MEIOC: variants seen among roughly 807,000 people sequenced by gnomAD.
MEIOC encodes meiosis specific with coiled-coil domain, also known as meiosis-specific coiled-coil domain-containing protein MEIOC.
Under a neutral mutation model 85.3 loss-of-function variants are expected in MEIOC, and 9 were observed. The observed-to-expected ratio is 0.11, with a 90% CI of 0.06 to 0.18. The LOEUF (loss-of-function observed/expected upper bound fraction) is 0.18. MEIOC is among the 10% of genes least tolerant of loss of function. MEIOC has a pLI of 1.00. For missense variants in MEIOC, 898 were observed against 1,129.4 expected (o/e 0.80, Z 2.94); for synonymous variants, 365 against 393.7 (o/e 0.93, Z 0.86).
chr17:44,656,997 C>A, intron 1 of MEIOC, 130 bp from the exon 2 acceptor site: 1 of 1,099,884 alleles, frequency 9.1e-7, no homozygotes, highest in Non-Finnish European at 1.2e-6. Flanking sequence ...CGCGGGCCCC[C>A]ACATTCGTGT....
chr17:44,676,868 C>T (rs1287113180), downstream of MEIOC: 7 of 736,014 alleles, frequency 9.5e-6, no homozygotes, highest in Non-Finnish European at 1.0e-5. Context: ...ACATTTTAGA[C>T]GTAAAGGATT....
chr17:44,676,748 C>T (rs1972081184), downstream of MEIOC, among the ~76,000 whole-genome samples: 1 of 151,978 alleles, frequency 6.6e-6, no homozygotes, highest in Admixed American at 6.6e-5. Context: ...CTTGAACCCG[C>T]AAGGTGGAGG....
intron 6 of MEIOC, 113 bp downstream of exon 6, chr17:44,669,630 C>G: frequency 9.7e-7 from 1 of 1,033,546 alleles, no homozygotes; most frequent in South Asian, 1.5e-5. Flanking sequence ...GAGGCCGAGG[C>G]GGGCAGATCA....
chr17:44,670,167 G>A (rs1294829145), intron 6 of MEIOC: 2 of 150,378 alleles, frequency 1.3e-5, no homozygotes, highest in Non-Finnish European at 2.9e-5. Flanking sequence ...GGAGGCTGAG[G>A]TGGGAAGATA....
At chr17:44,671,959 GA>G (rs200118904) in intron 6 of MEIOC, among the ~76,000 whole-genome samples, 70 of 150,028 alleles carry the variant, frequency 4.7e-4, no homozygotes, top group African/African-American at 1.6e-3. Context: ...GTAGAATTTT[GA>G]AAAAAAAATA....
At chr17:44,664,275 C>A (rs1598726621) in intron 3 of MEIOC, among the ~76,000 whole-genome samples, 1 of 151,912 alleles carries the variant, frequency 6.6e-6, no homozygotes, top group Non-Finnish European at 1.5e-5. Flanking sequence ...GGCAGGAGAA[C>A]CGCTTGAACC....
At position 44,669,440 on chromosome 17, in the gene MEIOC, A is replaced by G; in HGVS notation, c.2380A>G (p.Thr794Ala). 1 of 1,568,378 alleles carries G rather than the reference A, an allele frequency of 6.4e-7. No homozygotes were observed. Among genetic ancestry groups the G allele is most frequent in the Non-Finnish European group, 8.7e-7 (1 of 1,155,624 alleles). The change falls in exon 6 of 8, where the codon ACT becomes GCT. Residue 794 changes from threonine to alanine, a missense_variant. Thr to Ala is a moderately conservative substitution (Grantham distance 58, BLOSUM62 0). Coordinates refer to ENST00000409122, the MANE Select transcript of MEIOC (RefSeq NM_001145080.3). ...AAAAAAAGTATCCAGTACTAACAAC[A>G]CTCCAGTTCCAAGGCTGACTTCCAA... ...PGKKVSSTNNTPVPRLTSNPS... is the reference protein window; with the variant it reads ...PGKKVSSTNNAPVPRLTSNPS...
Position 44,662,330 on chromosome 17 carries a change from TA to T in MEIOC, c.219del (p.Asp74ThrfsTer2). The T allele has an allele frequency of 1.9e-6, 3 of 1,544,322 alleles. No homozygotes were observed. The highest frequency in any genetic ancestry group is 2.6e-6 in the Non-Finnish European group (3 of 1,144,972). On this transcript the variant is annotated frameshift_variant, in exon 3 of 8. Transcript: ENST00000409122. LOFTEE classifies it high-confidence loss of function. ...TAAAACTTTCAGAGTGAAGACAATGTAGACCTAAGGCAGACCTATACTCCAT... is the reference window on the plus strand; with the variant it reads ...TAAAACTTTCAGAGTGAAGACAATGTGACCTAAGGCAGACCTATACTCCAT... ...DCYTSQSEDN[V>X]DLRQTYTPFS...
In MEIOC at chr17:44,666,946, T is replaced by C; in HGVS notation, c.1035T>C (p.Phe345=). 6.2e-7 allele frequency: 1 copy of C among 1,611,142 alleles called. No homozygotes were observed. The highest frequency in any genetic ancestry group is 8.5e-7 in the Non-Finnish European group (1 of 1,178,386). Residue 345 remains phenylalanine, a synonymous_variant, in exon 5 of 8, where the codon TTT becomes TTC. Coordinates refer to ENST00000409122, the MANE Select transcript of MEIOC (RefSeq NM_001145080.3). ...CTAAGCTTAATAAATGTTCAAATTT[T>C]AGTGTCCAAGATAGCAAAAAATTAG... The part of the protein sequence containing the change: ...NKAKLNKCSN[F]SVQDSKKLAN...
chr17:44,662,873 C>G (rs1362308151), intron 3 of MEIOC, among the ~76,000 whole-genome samples: 2 of 152,108 alleles, frequency 1.3e-5, no homozygotes, highest in South Asian at 2.1e-4. Flanking sequence ...CACTTTGTTG[C>G]CTAGGCTGGT....
intron 2 of MEIOC, among the ~76,000 whole-genome samples, chr17:44,660,417 TTTTGTCGAAACGG>T (rs1971828042): frequency 6.6e-6 from 1 of 151,996 alleles, no homozygotes; most frequent in Non-Finnish European, 1.5e-5. Flanking sequence ...ATTTTTGTAT[TTTTGTCGAAACGG>T]GCTTTCGCCA....
In MEIOC at chr17:44,656,757, G is replaced by C. The variant is rs1355963148; in HGVS notation, c.69+75G>C. On this transcript the variant is annotated intron_variant, in intron 1 of 7. Coordinates refer to ENST00000409122, the MANE Select transcript of MEIOC (RefSeq NM_001145080.3). ...GGCGACGAGGAGGAGAGGCTGAGGA[G>C]GGGGCGCGTCCCTAGACGGGGCGGC... is the stretch of plus-strand genomic sequence containing the variant. 4.0e-6 allele frequency: 5 copies of C among 1,262,294 alleles called. No homozygotes were observed. The African/African-American group carries it at 7.9e-5, about 20-fold the overall frequency. The allele number at this position is 1,262,294 out of a possible 1,614,324, so 78.2% of individuals were successfully genotyped here.
Position 44,657,168 on chromosome 17 carries a change from C to T in MEIOC, c.111C>T (p.Asn37=), listed in dbSNP as rs771876344. The T allele has an allele frequency of 3.2e-6, 5 of 1,551,608 alleles. No individual in the cohort carries two copies. The South Asian group carries it at 5.9e-5, about 18-fold the overall frequency. The part of the protein sequence containing the change: ...AFPGGANRCW[N]LGADAGSRLT... Reference sequence around the variant, plus strand: ...CCGGAGGTGCGAATCGCTGTTGGAACCTCGGCGCCGACGCCGGCAGCAGGT... The same window carrying T: ...CCGGAGGTGCGAATCGCTGTTGGAATCTCGGCGCCGACGCCGGCAGCAGGT... Residue 37 remains asparagine, a synonymous_variant, in exon 2 of 8, where the codon AAC becomes AAT. Transcript: ENST00000409122.
At chr17:44,665,852 A>G (rs1369416334) in intron 4 of MEIOC, among the ~76,000 whole-genome samples, 1 of 152,204 alleles carries the variant, frequency 6.6e-6, no homozygotes, top group Non-Finnish European at 1.5e-5. Flanking sequence ...GATTTTATTC[A>G]TGTGTTAGAA....
chr17:44,667,311 C>A lies in MEIOC; in HGVS notation c.1400C>A (p.Ser467Tyr), dbSNP rs542791531. ...SVNLLSNSAT[S>Y]SGGINLNRPT... Reference sequence around the variant, plus strand: ...AATTTATTATCAAACTCAGCAACATCTTCAGGAGGTATCAATTTAAACAGA... The same window carrying A: ...AATTTATTATCAAACTCAGCAACATATTCAGGAGGTATCAATTTAAACAGA... The change falls in exon 5 of 8, where the codon TCT becomes TAT. Residue 467 changes from serine (S) to tyrosine (Y), a missense_variant. By Grantham distance (144) the Ser-to-Tyr change is moderately radical (BLOSUM62 -2). Around this residue, in one of 2 missense-constraint regions of MEIOC, gnomAD observed 734 missense variants for 860.1 expected, o/e 0.85. Transcript: ENST00000409122. 6.2e-7 allele frequency: 1 copy of A among 1,613,572 alleles called. No homozygotes were observed. The highest frequency in any genetic ancestry group is 1.7e-5 in the Admixed American group (1 of 60,002).
At position 44,675,403 on chromosome 17, in the gene MEIOC, G is replaced by A. The variant is rs919183402; in HGVS notation, c.*1207G>A. The A allele has an allele frequency of 2.1e-6, 2 of 970,936 alleles. No individual in the cohort carries two copies. The highest frequency in any genetic ancestry group is 2.4e-6 in the Non-Finnish European group (2 of 817,034). 60.1% of individuals were successfully genotyped at this position (970,936 alleles called of 1,614,324 possible). On this transcript the variant is annotated 3_prime_UTR_variant, in exon 8 of 8. Transcript: ENST00000409122. ...AAGATCTTGGGTTTTAACATTTCTA[G>A]CATGAGTTAAACTATAATGTACTGA...
At position 44,674,979 on chromosome 17, in the gene MEIOC, C is replaced by A; in HGVS notation, c.*783C>A. The A allele has an allele frequency of 1.0e-6, 1 of 982,302 alleles. No individual in the cohort carries two copies. The highest frequency in any genetic ancestry group is 1.2e-6 in the Non-Finnish European group (1 of 827,154). The allele number at this position is 982,302 out of a possible 1,614,324, so 60.8% of individuals were successfully genotyped here. ...CACAAAACATTCCCTTTATCTGGATCTTTTAGACTTGATGCACAGTAACTG... is the reference window on the plus strand; with the variant it reads ...CACAAAACATTCCCTTTATCTGGATATTTTAGACTTGATGCACAGTAACTG... On this transcript the variant is annotated 3_prime_UTR_variant, in exon 8 of 8. Coordinates refer to ENST00000409122, the MANE Select transcript of MEIOC (RefSeq NM_001145080.3).
intron 5 of MEIOC, 130 bp from the exon 6 acceptor site, chr17:44,669,248 GTTGTC>G: frequency 1.5e-6 from 1 of 688,374 alleles, no homozygotes; most frequent in Non-Finnish European, 2.4e-6. Flanking sequence ...GTTTACATTT[GTTGTC>G]TTTTGATACC....
At position 44,656,629 on chromosome 17, in the gene MEIOC, G is replaced by A. The variant is rs1035648515; in HGVS notation, c.16G>A (p.Gly6Arg). 2 of 1,485,722 alleles carry A rather than the reference G, an allele frequency of 1.3e-6. No homozygotes were observed. Among genetic ancestry groups the A allele is most frequent in the Non-Finnish European group, 9.0e-7 (1 of 1,116,964 alleles). 92.0% of individuals were successfully genotyped at this position (1,485,722 alleles called of 1,614,324 possible). The change falls in exon 1 of 8, where the codon GGA (glycine) becomes AGA (arginine). Residue 6 changes from glycine (G) to arginine (R), a missense_variant. This residue lies in a region of MEIOC where 734 missense variants were observed against 860.1 expected (regional missense o/e 0.85). Transcript: ENST00000409122. MEVRR[G>R]DTCPRPHPSG... is the part of the protein sequence containing the mutation. ...GGGGCGCCCCATGGAGGTGAGACGCGGAGACACCTGCCCGCGCCCTCACCC... is the reference window on the plus strand; with the variant it reads ...GGGGCGCCCCATGGAGGTGAGACGCAGAGACACCTGCCCGCGCCCTCACCC...
Sources: gnomAD v4.1 joint callset for allele counts (sites outside exome capture counted in the v4.1 genomes callset) on GRCh38, gnomAD v4.1.1 for gene constraint, gnomAD v4.1.1 regional missense constraint, MANE v1.5 for transcripts, NCBI Gene and HGNC (gene_info 2026-07-23, HGNC 2026-07-21) for gene names.